Variants in C1QTNF2 observed in about 807,000 individuals in gnomAD.
C1QTNF2 encodes the protein complement C1q tumor necrosis factor-related protein 2.
A neutral mutation model predicts 17.4 loss-of-function variants in C1QTNF2; 15 were observed. The observed-to-expected ratio is 0.86, with a 90% confidence interval of 0.58 to 1.33. The LOEUF (loss-of-function observed/expected upper bound fraction) is 1.33, where lower values mean the gene tolerates loss of function less well. C1QTNF2 is among the 40% of genes most tolerant of loss of function. The pLI is 0.00. For synonymous variants in C1QTNF2, 154 were observed against 163.3 expected (o/e 0.94, Z 0.44); for missense variants, 381 against 392.3 (o/e 0.97, Z 0.24).
In C1QTNF2 at chr5:160,355,989, C is replaced by T. The variant is rs1417976550; in HGVS notation, c.-9-969G>A. Among the ~76,000 whole-genome samples the T allele has an allele frequency of 2.6e-5, 4 of 152,344 alleles. 1 individual carries two copies. The highest frequency in any genetic ancestry group is 3.9e-4 in the East Asian group (2 of 5,178). ...TGTCCAGATCCAGAGCCTGTGCCCT[C>T]CTGTCCCAGGCTAGACCGTGTCCTT... On this transcript the variant is annotated intron_variant, in intron 1 of 2. Transcript: ENST00000652664.
chr5:160,357,657 C>A (rs1007459978), intron 1 of C1QTNF2, among the ~76,000 whole-genome samples: 21 of 152,162 alleles, frequency 1.4e-4, no homozygotes, highest in Admixed American at 1.0e-3. Flanking sequence ...CAGTCTACAA[C>A]CATTTTGCAG....
At chr5:160,361,086 T>C (rs114999094) in intron 1 of C1QTNF2, among the ~76,000 whole-genome samples, 1,909 of 152,318 alleles carry the variant, frequency 0.013, 43 homozygotes, top group African/African-American at 0.044. Context: ...CCACTGTAGC[T>C]GGCTGAACTT....
intron 2 of C1QTNF2, among the ~76,000 whole-genome samples, chr5:160,351,001 C>T (rs11740256): frequency 0.078 from 11,832 of 152,212 alleles, 570 homozygotes; most frequent in Middle Eastern, 0.15. Flanking sequence ...CTGCCCACCT[C>T]GGCCTCCCAA....
At chr5:160,366,575 A>G (rs1764251514) in intron 1 of C1QTNF2, among the ~76,000 whole-genome samples, 1 of 152,218 alleles carries the variant, frequency 6.6e-6, no homozygotes, top group Non-Finnish European at 1.5e-5. Flanking sequence ...TTTGGCATCA[A>G]TGGCAATGAA....
chr5:160,353,595 G>T (rs1763967007), intron 2 of C1QTNF2, among the ~76,000 whole-genome samples: 1 of 152,136 alleles, frequency 6.6e-6, no homozygotes, highest in Admixed American at 6.6e-5. Context: ...ATGTGGCCAA[G>T]GAGAATTGGC....
At chr5:160,361,490 T>C (rs772707815) in intron 1 of C1QTNF2, among the ~76,000 whole-genome samples, 17 of 152,220 alleles carry the variant, frequency 1.1e-4, no homozygotes, top group South Asian at 8.3e-4. Context: ...GCCTGTTGGT[T>C]ATCAGGTTTT....
chr5:160,366,189 G>A (rs188518649), intron 1 of C1QTNF2, among the ~76,000 whole-genome samples: 1 of 152,304 alleles, frequency 6.6e-6, no homozygotes, highest in East Asian at 1.9e-4. Flanking sequence ...TCACTTATGA[G>A]TGAGAACATA....
intron 1 of C1QTNF2, among the ~76,000 whole-genome samples, chr5:160,368,402 T>G (rs1386690825): frequency 2.6e-5 from 4 of 151,422 alleles, no homozygotes; most frequent in African/African-American, 9.7e-5. Context: ...TGAGGTGGTG[T>G]GCGCCTGTAG....
At chr5:160,351,559 G>A (rs1294432310) in intron 2 of C1QTNF2, among the ~76,000 whole-genome samples, 5 of 152,094 alleles carry the variant, frequency 3.3e-5, no homozygotes, top group Non-Finnish European at 7.4e-5. Context: ...TGATTTTCAG[G>A]AACAGAGTGC....
At chr5:160,359,275 C>T (rs1764107839) in intron 1 of C1QTNF2, among the ~76,000 whole-genome samples, 2 of 151,680 alleles carry the variant, frequency 1.3e-5, no homozygotes. Flanking sequence ...TTAATCCATG[C>T]CACCTTGCTT....
At position 160,349,704 on chromosome 5, in the gene C1QTNF2, G is replaced by A. The variant is rs554501129; in HGVS notation, c.322C>T (p.Arg108Cys). ...GTACCGTTGACCCCCTTGGGGCCAC[G>A]GGGGCCAGCCCGCCCAATGGCCCCG... ...KAGAIGRAGP[R>C]GPKGVNGTPG... Residue 108 changes from arginine to cysteine, a missense_variant, in exon 3 of 3, where the codon CGT becomes TGT. By Grantham distance (180) the Arg-to-Cys change is radical (BLOSUM62 -3). Coordinates refer to ENST00000652664, the MANE Select transcript of C1QTNF2 (RefSeq NM_031908.6). The surrounding 1 kb of genome is among the most constrained non-coding windows in gnomAD (Gnocchi z 4.3). 26 of 1,592,472 alleles carry A rather than the reference G, an allele frequency of 1.6e-5. No homozygotes were observed. The highest frequency in any genetic ancestry group is 3.4e-5 in the South Asian group (3 of 88,362).
chr5:160,354,930 G>A lies in C1QTNF2; in HGVS notation c.82C>T (p.Arg28Trp), dbSNP rs761209993. 4.4e-6 allele frequency: 7 copies of A among 1,598,356 alleles called. No homozygotes were observed. In the East Asian group the frequency reaches 6.8e-5, roughly 15 times the overall value. Residue 28 changes from arginine to tryptophan, a missense_variant, in exon 2 of 3, where the codon CGG becomes TGG. Arg to Trp is a moderately radical substitution (Grantham distance 101). Transcript: ENST00000652664. ...LLGAFARRDF[R>W]KGSPQLVCSL... ...CAGACCAGTTGAGGGGAGCCTTTCC[G>A]GAAGTCCCTGCGAGCAAAGGCGCCA...
At chr5:160,355,412 A>G in intron 1 of C1QTNF2, 1 of 234,150 alleles carries the variant, frequency 4.3e-6, no homozygotes, top group African/African-American at 2.3e-5. Flanking sequence ...TTACAGTTCT[A>G]CAAGGGTAAT....
At position 160,370,535 on chromosome 5, in the gene C1QTNF2, A is replaced by G. The variant is rs1224444304; in HGVS notation, c.-33T>C. 1.3e-6 allele frequency: 2 copies of G among 1,492,280 alleles called. No homozygotes were observed. The highest frequency in any genetic ancestry group is 8.8e-7 in the Non-Finnish European group (1 of 1,130,318). The allele number at this position is 1,492,280 out of a possible 1,614,324, so 92.4% of individuals were successfully genotyped here. ...ACCCTCGCGGCTGCCCGCCACGTCC[A>G]GGGGCGTCCGGAGCAAAGAAGCTCT... is the stretch of plus-strand genomic sequence containing the variant. On this transcript the variant is annotated 5_prime_UTR_variant, in exon 1 of 3. Transcript: ENST00000652664.
At position 160,349,756 on chromosome 5, in the gene C1QTNF2, C is replaced by T; in HGVS notation, c.270G>A (p.Arg90=). ...EEGPPGRTGN[R]GKPGPKGKAG... ...CTTTGCCCTTTGGTCCTGGCTTTCCCCGGTTACCTGTCCGGCCAGGTGGAC... is the reference window on the plus strand; with the variant it reads ...CTTTGCCCTTTGGTCCTGGCTTTCCTCGGTTACCTGTCCGGCCAGGTGGAC... The change falls in exon 3 of 3, where the codon CGG becomes CGA. Residue 90 remains arginine (R), a synonymous_variant. Coordinates refer to ENST00000652664, the MANE Select transcript of C1QTNF2 (RefSeq NM_031908.6). This position sits in a 1 kb window ranked among gnomAD's most constrained non-coding sequence, Gnocchi z 4.3. 3 of 1,531,538 alleles carry T rather than the reference C, an allele frequency of 2.0e-6. No individual in the cohort carries two copies. The highest frequency in any genetic ancestry group is 2.6e-6 in the Non-Finnish European group (3 of 1,149,214). 94.9% of individuals were successfully genotyped at this position (1,531,538 alleles called of 1,614,324 possible). A position where few individuals can be genotyped will look rare whatever the true frequency, so the allele number is the denominator to read the frequency against.
At position 160,354,813 on chromosome 5, in the gene C1QTNF2, C is replaced by T. The variant is rs746934576; in HGVS notation, c.199G>A (p.Gly67Ser). The change falls in exon 2 of 3, where the codon GGC (glycine) becomes AGC (serine). Residue 67 changes from glycine to serine, a missense_variant. By Grantham distance (56) the Gly-to-Ser change is moderately conservative (BLOSUM62 0). Transcript: ENST00000652664. ...CGGTCGCCGTCGTGTCCATCTTGGC[C>T]GTCTTTGCCAGGAAAGCCCATTCGT... ...MGRMGFPGKD[G>S]QDGHDGDRGD... 167 of 1,613,516 alleles carry T rather than the reference C, an allele frequency of 1.0e-4. No individual in the cohort carries two copies. The highest frequency in any genetic ancestry group is 1.4e-4 in the Non-Finnish European group (161 of 1,179,956).
intron 1 of C1QTNF2, among the ~76,000 whole-genome samples, chr5:160,356,118 C>G (rs747370660): frequency 3.3e-5 from 5 of 152,184 alleles, no homozygotes; most frequent in Non-Finnish European, 5.9e-5. Context: ...AAACTGAGAC[C>G]CAGAGCAGAA....
At chr5:160,354,597 AGTATATATATATAT>A (rs1345960052) in intron 2 of C1QTNF2, among the ~76,000 whole-genome samples, 157 bp downstream of exon 2, 8 of 89,306 alleles carry the variant, frequency 9.0e-5, no homozygotes, top group African/African-American at 3.4e-4. Flanking sequence ...AAAAAAAAAA[AGTATATATATATAT>A]ATATATATAT....
chr5:160,349,110 G>T lies in C1QTNF2; in HGVS notation c.*58C>A. On this transcript the variant is annotated 3_prime_UTR_variant, in exon 3 of 3. Transcript: ENST00000652664. This position sits in a 1 kb window ranked among gnomAD's most constrained non-coding sequence, Gnocchi z 4.3. The stretch of plus-strand genomic sequence containing the variant: ...CCCCAGCCTACAGTTGTGGGGTCTT[G>T]CTCTGTAAGCCCAAGTCCAGAAGCT... 1 of 1,551,172 alleles carries T rather than the reference G, an allele frequency of 6.4e-7. No homozygotes were observed. Among genetic ancestry groups the T allele is most frequent in the East Asian group, 2.3e-5 (1 of 44,384 alleles).
Sources: gnomAD v4.1 joint callset for allele counts (sites outside exome capture counted in the v4.1 genomes callset) on GRCh38, gnomAD v4.1.1 for gene constraint, Gnocchi (gnomAD v3.1) non-coding constraint, MANE v1.5 for transcripts, NCBI Gene and HGNC (gene_info 2026-07-23, HGNC 2026-07-21) for gene names.